The following NPC1L1 variants were observed in gnomAD, a reference collection of about 807,000 sequenced individuals.
NPC1L1 encodes the protein NPC1-like intracellular cholesterol transporter 1.
In NPC1L1, 98 loss-of-function variants were observed where a neutral mutation model predicts 117.0. The observed-to-expected ratio is 0.84, with a 90% CI of 0.71 to 0.99. NPC1L1 has a LOEUF of 0.99. Among genes scored for constraint, NPC1L1 ranks in the 50% least tolerant of loss-of-function variants. The probability of loss-of-function intolerance (pLI) is 0.00; values close to 1 mark genes in which losing one functional copy is unlikely to be tolerated. For synonymous variants in NPC1L1, 729 were observed against 727.6 expected (o/e 1.00, Z -0.03); for missense variants, 1,540 against 1,710.0 (o/e 0.90, Z 1.75).
intron 15 of NPC1L1, 54 bp from the exon 16 acceptor site, chr7:44,516,988 G>T: frequency 6.5e-7 from 1 of 1,541,766 alleles, no homozygotes; most frequent in Non-Finnish European, 8.9e-7. Context: ...CCCTCATGGT[G>T]GGTGGGACAC....
rs1423128075 is a variant in NPC1L1 at position 44,535,788 on chromosome 7, A to T, written c.1983+52T>A. ...GAAAGTTGTAGAAGGCCTACTGAAGATGCCTGGGGTCCTGGGCTAGCCCAC... is the reference window on the plus strand; with the variant it reads ...GAAAGTTGTAGAAGGCCTACTGAAGTTGCCTGGGGTCCTGGGCTAGCCCAC... On this transcript the variant is annotated intron_variant, in intron 5 of 18. Coordinates refer to ENST00000381160, the MANE Select transcript of NPC1L1 (RefSeq NM_001101648.2). 3.1e-6 allele frequency: 5 copies of T among 1,610,854 alleles called. No individual in the cohort carries two copies. The African/African-American group carries it at 6.7e-5, about 22-fold the overall frequency.
At chr7:44,514,680 A>C (rs1801131188) in intron 18 of NPC1L1, among the ~76,000 whole-genome samples, 1 of 150,402 alleles carries the variant, frequency 6.6e-6, no homozygotes, top group Non-Finnish European at 1.5e-5. Context: ...AATAATAAAA[A>C]TAAAAATAAT....
intron 6 of NPC1L1, 109 bp from the exon 7 acceptor site, chr7:44,533,962 T>C: frequency 1.2e-6 from 1 of 814,004 alleles, no homozygotes; most frequent in Non-Finnish European, 2.1e-6. Context: ...CCTGAGGAGC[T>C]GCTCTGACCT....
At chr7:44,519,392 A>G (rs955762785) in intron 14 of NPC1L1, among the ~76,000 whole-genome samples, 1 of 152,038 alleles carries the variant, frequency 6.6e-6, no homozygotes, top group Non-Finnish European at 1.5e-5. Context: ...TCCCTGACTG[A>G]CACATCCACT....
chr7:44,541,233 C>T lies in NPC1L1; in HGVS notation c.27G>A (p.Trp9Ter). The change falls in exon 1 of 19, where the codon TGG (tryptophan) becomes TGA (stop). Residue 9 changes from tryptophan to a stop codon, truncating the protein, a stop_gained. Transcript: ENST00000381160. LOFTEE classifies it high-confidence loss of function. Reference sequence around the variant, plus strand: ...AGCGCAGGAGCAGGGCCCACAGCAGCCAGCCCCTCAGGCCGGCCTCCGCCA... The same window carrying T: ...AGCGCAGGAGCAGGGCCCACAGCAGTCAGCCCCTCAGGCCGGCCTCCGCCA... MAEAGLRGWLLWALLLRLA... is the reference protein window; with the variant it reads MAEAGLRG 1 of 1,549,964 alleles carries T rather than the reference C, an allele frequency of 6.5e-7. No homozygotes were observed.
At chr7:44,516,327 G>T in intron 16 of NPC1L1, 130 bp from the exon 17 acceptor site, 1 of 825,988 alleles carries the variant, frequency 1.2e-6, no homozygotes, top group Non-Finnish European at 2.0e-6. Context: ...TATTTGGCCG[G>T]GTGCAGTGGC....
rs781034910 is a variant in NPC1L1 at position 44,538,773 on chromosome 7, C to G, written c.1580+44G>C. 2 of 1,602,448 alleles carry G rather than the reference C, an allele frequency of 1.2e-6. No homozygotes were observed. The highest frequency in any genetic ancestry group is 1.1e-5 in the South Asian group (1 of 90,836). ...CCCAGGAGGCCATGGCAGCCCAGCC[C>G]CAGCCCCAGCCCACTCCTCGCTTGG... On this transcript the variant is annotated intron_variant, in intron 2 of 18. Coordinates refer to ENST00000381160, the MANE Select transcript of NPC1L1 (RefSeq NM_001101648.2). The surrounding 1 kb of genome is among the most constrained non-coding windows in gnomAD (Gnocchi z 5.9).
rs552498840 is a variant in NPC1L1, at chr7:44,516,876, G to T, written c.3346C>A (p.Leu1116Ile). The T allele has an allele frequency of 1.2e-6, 2 of 1,614,152 alleles. No individual in the cohort carries two copies. The highest frequency in any genetic ancestry group is 1.7e-6 in the Non-Finnish European group (2 of 1,180,044). ...AAGGTGGGCACAAGGCAGAGGCTGA[G>T]CATGAAGAGCCCCTCAGGGAGGATG... The part of the protein sequence containing the change: ...LTILPEGLFM[L>I]SLCLVPTFAV... The change falls in exon 16 of 19, where the codon CTC becomes ATC. Residue 1116 changes from leucine to isoleucine, a missense_variant. Physicochemically the swap from Leu to Ile is conservative, Grantham distance 5. Around this residue, in one of 3 missense-constraint regions of NPC1L1, gnomAD observed 742 missense variants for 873.6 expected, o/e 0.85. Transcript: ENST00000381160.
In NPC1L1 at chr7:44,540,319, G is replaced by A. The variant is rs545460201; in HGVS notation, c.78C>T (p.Thr26=). 7.1e-5 allele frequency: 114 copies of A among 1,613,268 alleles called. No homozygotes were observed. In the South Asian group the frequency reaches 1.2e-3, roughly 16 times the overall value. Residue 26 remains threonine (T), a synonymous_variant, in exon 2 of 19, where the codon ACC becomes ACT. Coordinates refer to ENST00000381160, the MANE Select transcript of NPC1L1 (RefSeq NM_001101648.2). The stretch of plus-strand genomic sequence containing the variant: ...AGGCGCAGTAGCCAGGCTGGTGGAT[G>A]GTTGTGTAAGGCTCACTCTGGGCCT... ...LRLAQSEPYT[T]IHQPGYCAFY... is the part of the protein sequence containing the mutation.
rs139533378 is a variant in NPC1L1 at position 44,539,586 on chromosome 7, C to A, written c.811G>T (p.Ala271Ser). Residue 271 changes from alanine (A) to serine (S), a missense_variant, in exon 2 of 19, where the codon GCC becomes TCC. Ala to Ser is a moderately conservative substitution (Grantham distance 99, BLOSUM62 1). Transcript: ENST00000381160. This position sits in a 1 kb window ranked among gnomAD's most constrained non-coding sequence, Gnocchi z 4.4. Reference protein sequence around the residue: ...ASCPAIARPQALDSTFYLGQM... With the variant: ...ASCPAIARPQSLDSTFYLGQM... ...CCCAGGTAGAAGGTGGAGTCGAGGG[C>A]CTGGGGGCGGGCTATGGCAGGACAG... 9,339 of 1,614,016 alleles carry A rather than the reference C, an allele frequency of 5.8e-3. 129 individuals carry two copies. Among genetic ancestry groups the A allele is most frequent in the Non-Finnish European group, 5.6e-3 (6,566 of 1,180,002 alleles).
intron 10 of NPC1L1, among the ~76,000 whole-genome samples, chr7:44,523,709 AT>A (rs1364162679): frequency 1.3e-5 from 2 of 152,170 alleles, no homozygotes; most frequent in Non-Finnish European, 2.9e-5. Flanking sequence ...ACAAAAAAAA[AT>A]ACAAAAGTTA....
intron 10 of NPC1L1, among the ~76,000 whole-genome samples, chr7:44,526,011 C>A (rs1328675804): frequency 6.6e-6 from 1 of 151,846 alleles, no homozygotes; most frequent in East Asian, 1.9e-4. Context: ...ACTGAAAATA[C>A]AAAAATTAGC....
chr7:44,520,842 G>A, intron 13 of NPC1L1, 22 bp from the exon 14 acceptor site: 3 of 1,613,928 alleles, frequency 1.9e-6, no homozygotes, highest in Non-Finnish European at 2.5e-6. Flanking sequence ...TCAGGGCAAA[G>A]GCTTAGCCAG....
chr7:44,517,082 G>T, intron 15 of NPC1L1, 125 bp downstream of exon 15: 1 of 1,463,952 alleles, frequency 6.8e-7, no homozygotes, highest in Non-Finnish European at 9.6e-7. Context: ...CAAGGCTGCA[G>T]CCAGAGCCTC....
chr7:44,537,721 C>T (rs1193222894), intron 2 of NPC1L1, among the ~76,000 whole-genome samples: 1 of 152,038 alleles, frequency 6.6e-6, no homozygotes, highest in Non-Finnish European at 1.5e-5. Context: ...AATTGGACCA[C>T]CCGAGAGTTG....
chr7:44,516,016 G>A (rs1801173735), intron 17 of NPC1L1, 51 bp from the exon 18 acceptor site: 1 of 1,610,320 alleles, frequency 6.2e-7, no homozygotes, highest in South Asian at 1.1e-5. Flanking sequence ...ATCAGGCAGG[G>A]CACAGGGCAT....
At chr7:44,518,668 T>TAAA in intron 14 of NPC1L1, 1 of 1,008,772 alleles carries the variant, frequency 9.9e-7, no homozygotes, top group Non-Finnish European at 1.3e-6. Flanking sequence ...CAACTGTGTC[T>TAAA]CAAAAAAAAA....
chr7:44,533,919 G>C, intron 6 of NPC1L1, 66 bp from the exon 7 acceptor site: 1 of 1,393,740 alleles, frequency 7.2e-7, no homozygotes, highest in Non-Finnish European at 1.0e-6. Flanking sequence ...AAGGCCAGCA[G>C]GGAGTTGGCA....
chr7:44,520,021 T>A (rs1801303313), intron 14 of NPC1L1, among the ~76,000 whole-genome samples: 1 of 152,134 alleles, frequency 6.6e-6, no homozygotes, highest in East Asian at 1.9e-4. Flanking sequence ...GGCTCATGCC[T>A]GTAATACTAG....
Sources: allele counts gnomAD v4.1 joint callset (sites outside exome capture counted in the v4.1 genomes callset), GRCh38; gene constraint gnomAD v4.1.1; regional missense constraint gnomAD v4.1.1; non-coding constraint Gnocchi (gnomAD v3.1); transcripts MANE v1.5; gene names NCBI Gene and HGNC (gene_info 2026-07-23, HGNC 2026-07-21).